The following ACSS1 variants were observed in gnomAD, a reference collection of about 807,000 sequenced individuals.
ACSS1 encodes the protein acetyl-coenzyme A synthetase 2-like, mitochondrial.
In ACSS1, 42 loss-of-function variants were observed where a neutral mutation model predicts 75.3. The ratio of observed to expected loss-of-function variants is 0.56; its 90% confidence interval spans 0.44 to 0.72. ACSS1 has a LOEUF of 0.72. ACSS1 is among the 30% of genes least tolerant of loss of function. The pLI is 0.00. For missense variants in ACSS1, 782 were observed against 935.7 expected, an observed-to-expected ratio of 0.84 and a Z score of 2.14; for synonymous variants, 380 against 376.8, an observed-to-expected ratio of 1.01 and a Z score of -0.10.
chr20:25,044,958 C>G (rs1008318774), intron 2 of ACSS1, among the ~76,000 whole-genome samples: 1 of 152,222 alleles, frequency 6.6e-6, no homozygotes, highest in African/African-American at 2.4e-5. Context: ...AAGGAGGAAG[C>G]GGGGCAAAAC....
In ACSS1 at chr20:25,021,405, TG is replaced by T; in HGVS notation, c.1091del (p.Pro364GlnfsTer13). 6.2e-7 allele frequency: 1 copy of T among 1,614,118 alleles called. No individual in the cohort carries two copies. The highest frequency in any genetic ancestry group is 8.5e-7 in the Non-Finnish European group (1 of 1,179,980). ...CATCCTTACCAGCATTGGGATAAAC[TG>T]GGGTGCTCTCAAAAAGGACGCTGGT... ...GATSVLFEST[P>X]VYPNAGRYWE... On this transcript the variant is annotated frameshift_variant, in exon 6 of 14. Coordinates refer to ENST00000323482, the MANE Select transcript of ACSS1 (RefSeq NM_032501.4). LOFTEE classifies it high-confidence loss of function.
rs954956452 is a variant in ACSS1 at position 25,006,770 on chromosome 20, A to G, written c.*992T>C. The G allele has an allele frequency of 6.8e-7, 1 of 1,467,608 alleles. No homozygotes were observed. The highest frequency in any genetic ancestry group is 1.4e-5 in the African/African-American group (1 of 71,362). 90.9% of individuals were successfully genotyped at this position (1,467,608 alleles called of 1,614,324 possible). On this transcript the variant is annotated 3_prime_UTR_variant, in exon 14 of 14. Transcript: ENST00000323482. ...AAAGAGAGACTGGATCCAGACCTCC[A>G]AGTCTCATCATTGGACCTCAGTGGT...
At chr20:25,033,402 C>T (rs2088859981) in intron 2 of ACSS1, among the ~76,000 whole-genome samples, 1 of 152,132 alleles carries the variant, frequency 6.6e-6, no homozygotes. Flanking sequence ...TGCCATGTGA[C>T]CATCTGAGAA....
At chr20:25,016,397 G>C (rs1266030589) in intron 7 of ACSS1, among the ~76,000 whole-genome samples, 1 of 152,208 alleles carries the variant, frequency 6.6e-6, no homozygotes, top group Non-Finnish European at 1.5e-5. Context: ...TATCTCAATA[G>C]AAAGGAAGAA....
chr20:25,046,859 T>C, intron 2 of ACSS1: 3 of 779,716 alleles, frequency 3.8e-6, no homozygotes, highest in South Asian at 2.7e-5. Flanking sequence ...CCACACGGCA[T>C]CTGCAACCAG....
chr20:25,021,270 G>T, intron 6 of ACSS1, 119 bp downstream of exon 6: 1 of 1,343,010 alleles, frequency 7.4e-7, no homozygotes, highest in Non-Finnish European at 1.0e-6. Context: ...GACCTGGAGA[G>T]CCACACCCTC....
intron 2 of ACSS1, among the ~76,000 whole-genome samples, chr20:25,038,746 G>T (rs1197242269): frequency 6.6e-6 from 1 of 152,158 alleles, no homozygotes; most frequent in East Asian, 1.9e-4. Flanking sequence ...TACAGTTGGG[G>T]TTGCTGCCAG....
intron 1 of ACSS1, among the ~76,000 whole-genome samples, chr20:25,052,822 A>G (rs2089192647): frequency 6.6e-6 from 1 of 152,262 alleles, no homozygotes; most frequent in Admixed American, 6.5e-5. Flanking sequence ...CCCAGGGCCT[A>G]ACACAGCTGG....
chr20:25,031,012 A>G, intron 2 of ACSS1, 54 bp from the exon 3 acceptor site: 1 of 1,577,642 alleles, frequency 6.3e-7, no homozygotes, highest in South Asian at 1.1e-5. Flanking sequence ...CAAAATGCAG[A>G]GCAGTTTGGG....
chr20:25,042,500 C>T (rs926718910), intron 2 of ACSS1, among the ~76,000 whole-genome samples: 4 of 152,288 alleles, frequency 2.6e-5, no homozygotes, highest in African/African-American at 7.2e-5. Context: ...CCACGACAGC[C>T]GCTGTGTCAC....
At chr20:25,023,377 C>A in intron 4 of ACSS1, 89 bp downstream of exon 4, 4 of 1,523,278 alleles carry the variant, frequency 2.6e-6, no homozygotes, top group Non-Finnish European at 3.6e-6. Flanking sequence ...CTCTAGGGAA[C>A]CCAAATTGAG....
In ACSS1 at chr20:25,045,931, T is replaced by G. The variant is rs200876399; in HGVS notation, c.431+2154A>C. ...GAAGAAGTCAATTTATTTTTATTTTTATTTTTATTTTTGAGATGGAGTCTG... is the reference window on the plus strand; with the variant it reads ...GAAGAAGTCAATTTATTTTTATTTTGATTTTTATTTTTGAGATGGAGTCTG... On this transcript the variant is annotated intron_variant, in intron 2 of 13. Coordinates refer to ENST00000323482, the MANE Select transcript of ACSS1 (RefSeq NM_032501.4). 1.7e-4 allele frequency: 26 copies of G among 152,068 alleles called. 1 individual carries two copies. The highest frequency in any genetic ancestry group is 2.9e-5 in the Non-Finnish European group (2 of 68,014). 9.4% of individuals were successfully genotyped at this position (152,068 alleles called of 1,614,324 possible).
intron 2 of ACSS1, chr20:25,046,821 G>A (rs2089099602): frequency 1.3e-6 from 1 of 779,638 alleles, no homozygotes; most frequent in Non-Finnish European, 2.4e-6. Flanking sequence ...CGAGGATCCA[G>A]GGCAGAAGAA....
intron 5 of ACSS1, 52 bp downstream of exon 5, chr20:25,022,888 C>T (rs2088647812): frequency 1.3e-6 from 2 of 1,540,284 alleles, no homozygotes; most frequent in Non-Finnish European, 1.7e-6. Flanking sequence ...TCCAGCCCTG[C>T]CCCTGCCTGG....
At chr20:25,013,928 C>G (rs767492073) in intron 9 of ACSS1, 33 bp downstream of exon 9, 1 of 1,590,990 alleles carries the variant, frequency 6.3e-7, no homozygotes, top group African/African-American at 1.3e-5. Context: ...AGGGCAAGCA[C>G]ATGACCCCCA....
At chr20:25,014,303 C>G (rs2088477390) in intron 8 of ACSS1, among the ~76,000 whole-genome samples, 1 of 152,206 alleles carries the variant, frequency 6.6e-6, no homozygotes, top group Admixed American at 6.5e-5. Flanking sequence ...CAGCCAGGTG[C>G]AGGCCCCCTC....
At chr20:25,012,286 G>C in intron 12 of ACSS1, 1 of 439,400 alleles carries the variant, frequency 2.3e-6, no homozygotes, top group East Asian at 4.4e-5. Flanking sequence ...AATGGGGCTG[G>C]ACGGTGTCCC....
At chr20:25,015,040 C>T (rs2088491548) in intron 8 of ACSS1, 98 bp downstream of exon 8, 5 of 1,064,492 alleles carry the variant, frequency 4.7e-6, no homozygotes, top group Non-Finnish European at 6.7e-6. Flanking sequence ...CGTCTTCTAT[C>T]GCACCTGCTG....
chr20:25,025,492 T>C (rs1270495558), intron 3 of ACSS1, among the ~76,000 whole-genome samples: 1 of 152,232 alleles, frequency 6.6e-6, no homozygotes, highest in African/African-American at 2.4e-5. Context: ...ACAAACTTAG[T>C]GGCTCAGAAC....
Sources: gnomAD v4.1 joint callset for allele counts (sites outside exome capture counted in the v4.1 genomes callset) on GRCh38, gnomAD v4.1.1 for gene constraint, MANE v1.5 for transcripts, NCBI Gene and HGNC (gene_info 2026-07-23, HGNC 2026-07-21) for gene names.